The following GALNT18 variants were observed in gnomAD, a reference collection of about 807,000 sequenced individuals.
The protein encoded by GALNT18 is GalNAc-transferase 18.
In GALNT18, 44 loss-of-function variants were observed where a neutral mutation model predicts 69.5. That is an observed-to-expected ratio of 0.63 (90% confidence interval 0.50 to 0.81). GALNT18 has a LOEUF of 0.81. GALNT18 is among the 40% of genes least tolerant of loss of function. The pLI, the probability that GALNT18 is intolerant of heterozygous loss-of-function variation, is 0.00. For missense variants in GALNT18, 715 were observed against 810.0 expected, an observed-to-expected ratio of 0.88 and a Z score of 1.42; for synonymous variants, 364 against 318.2, an observed-to-expected ratio of 1.14 and a Z score of -1.53.
chr11:11,600,535 A>G lies in GALNT18; in HGVS notation c.235+20824T>C, dbSNP rs1859607221. Among the ~76,000 whole-genome samples, 1 of 151,974 alleles carries G rather than the reference A, an allele frequency of 6.6e-6. No individual in the cohort carries two copies. The highest frequency in any genetic ancestry group is 6.6e-5 in the Admixed American group (1 of 15,260). On this transcript the variant is annotated intron_variant, in intron 1 of 10. Transcript: ENST00000227756. The surrounding 1 kb of genome is among the most constrained non-coding windows in gnomAD (Gnocchi z 4.8). ...GCTAATCTTATCAGTATTCTCTTGT[A>G]GGTGATAAGTGGTCTTTCTGTTACT...
chr11:11,532,313 C>G (rs1252628326), intron 1 of GALNT18, among the ~76,000 whole-genome samples: 1 of 152,200 alleles, frequency 6.6e-6, no homozygotes, highest in Non-Finnish European at 1.5e-5. Context: ...ATTCTAAAAA[C>G]CAAGTAGACC....
intron 2 of GALNT18, among the ~76,000 whole-genome samples, chr11:11,433,139 A>C (rs577331083): frequency 6.6e-6 from 1 of 152,394 alleles, no homozygotes; most frequent in South Asian, 2.1e-4. Context: ...GAATGCAACC[A>C]AAGTAAATTC....
chr11:11,486,273 G>C (rs1480186671), intron 1 of GALNT18, among the ~76,000 whole-genome samples: 1 of 152,140 alleles, frequency 6.6e-6, no homozygotes, highest in African/African-American at 2.4e-5. Context: ...TTCTCTGCCT[G>C]TCACAATGTG....
rs2133904838 is a variant in GALNT18 at position 11,505,310 on chromosome 11, A to G, written c.236-56374T>C. 6.6e-6 allele frequency among the ~76,000 whole-genome samples: 1 copy of G among 152,320 alleles called. No individual in the cohort carries two copies. Among genetic ancestry groups the G allele is most frequent in the Non-Finnish European group, 1.5e-5 (1 of 68,020 alleles). On this transcript the variant is annotated intron_variant, in intron 1 of 10. Transcript: ENST00000227756. This position sits in a 1 kb window ranked among gnomAD's most constrained non-coding sequence, Gnocchi z 4.6. Reference sequence around the variant, plus strand: ...TGAATATCAACCTTAAGTAAAAACAAGAAGACAGGAAAGGACAGACCACAC... The same window carrying G: ...TGAATATCAACCTTAAGTAAAAACAGGAAGACAGGAAAGGACAGACCACAC...
intron 10 of GALNT18, among the ~76,000 whole-genome samples, chr11:11,275,490 G>C (rs1430883543): frequency 6.6e-6 from 1 of 152,176 alleles, no homozygotes. Flanking sequence ...GTAGTTGCCT[G>C]TTCACTCTGA....
At chr11:11,312,265 T>C (rs10831585) in intron 9 of GALNT18, among the ~76,000 whole-genome samples, 65,846 of 150,796 alleles carry the variant, frequency 0.44, 14,629 homozygotes, top group Admixed American at 0.48. Flanking sequence ...TAACTTTTGA[T>C]TCCCCCAAAA....
chr11:11,289,953 G>C (rs1849267653), intron 10 of GALNT18, among the ~76,000 whole-genome samples: 1 of 152,102 alleles, frequency 6.6e-6, no homozygotes, highest in Non-Finnish European at 1.5e-5. Context: ...AGTCTGAAGA[G>C]GGCTGGAGGC....
At chr11:11,589,334 T>G (rs558925607) in intron 1 of GALNT18, among the ~76,000 whole-genome samples, 30 of 152,146 alleles carry the variant, frequency 2.0e-4, no homozygotes, top group Non-Finnish European at 3.1e-4. Flanking sequence ...ATAAACAAGA[T>G]CAAGAGCTGT....
intron 8 of GALNT18, among the ~76,000 whole-genome samples, chr11:11,331,360 C>CTGGGGGTAGAGGGCA (rs1850014195): frequency 6.6e-6 from 1 of 152,096 alleles, no homozygotes. Context: ...AACAGAGACC[C>CTGGGGGTAGAGGGCA]TGGGGGTAGA....
At chr11:11,293,812 G>A (rs16909357) in intron 9 of GALNT18, among the ~76,000 whole-genome samples, 2 of 151,980 alleles carry the variant, frequency 1.3e-5, no homozygotes, top group Non-Finnish European at 2.9e-5. Context: ...TTTACAGATT[G>A]CCTGATTTCC....
intron 6 of GALNT18, among the ~76,000 whole-genome samples, chr11:11,348,287 A>G (rs4909992): frequency 0.84 from 127,373 of 151,262 alleles, 57,776 homozygotes; most frequent in East Asian, 1. Context: ...CTCAGGCAGG[A>G]GAATCGCTTG....
At chr11:11,352,099 C>T (rs777572260) in intron 6 of GALNT18, 56 of 1,613,524 alleles carry the variant, frequency 3.5e-5, no homozygotes, top group Non-Finnish European at 4.3e-5. Flanking sequence ...GTACTGCCCC[C>T]TGGCATGCTA....
chr11:11,393,647 T>C (rs533596730), intron 3 of GALNT18, among the ~76,000 whole-genome samples: 7 of 152,198 alleles, frequency 4.6e-5, no homozygotes, highest in Non-Finnish European at 1.0e-4. Context: ...GGGCTGCCAG[T>C]AGAGGAACAT....
At chr11:11,378,315 A>T (rs541428245) in intron 4 of GALNT18, among the ~76,000 whole-genome samples, 1 of 152,278 alleles carries the variant, frequency 6.6e-6, no homozygotes, top group Admixed American at 6.5e-5. Flanking sequence ...CCCAGTGACA[A>T]CAGGCATATT....
intron 10 of GALNT18, among the ~76,000 whole-genome samples, chr11:11,283,198 A>G (rs566089500): frequency 6.6e-6 from 1 of 152,270 alleles, no homozygotes; most frequent in East Asian, 1.9e-4. Context: ...TCTGTCACAC[A>G]GGCTGGAGTG....
chr11:11,285,817 C>G (rs931922411), intron 10 of GALNT18, among the ~76,000 whole-genome samples: 1 of 152,204 alleles, frequency 6.6e-6, no homozygotes, highest in Non-Finnish European at 1.5e-5. Context: ...TAGTGGTGTT[C>G]CCTGGGAAAT....
Position 11,563,245 on chromosome 11 carries a change from G to C in GALNT18, c.235+58114C>G, listed in dbSNP as rs1032944704. ...TTCACCTTGCACCTCCCCGGATCAAGAGACTTGGCTCTTCCTGGCTTTGTT... is the reference window on the plus strand; with the variant it reads ...TTCACCTTGCACCTCCCCGGATCAACAGACTTGGCTCTTCCTGGCTTTGTT... On this transcript the variant is annotated intron_variant, in intron 1 of 10. Coordinates refer to ENST00000227756, the MANE Select transcript of GALNT18 (RefSeq NM_198516.3). This position sits in a 1 kb window ranked among gnomAD's most constrained non-coding sequence, Gnocchi z 4.6. Among the ~76,000 whole-genome samples, 1 of 152,182 alleles carries C rather than the reference G, an allele frequency of 6.6e-6. No individual in the cohort carries two copies. Among genetic ancestry groups the C allele is most frequent in the Admixed American group, 6.5e-5 (1 of 15,282 alleles).
intron 1 of GALNT18, among the ~76,000 whole-genome samples, chr11:11,557,843 C>T (rs1858369113): frequency 6.6e-6 from 1 of 152,222 alleles, no homozygotes; most frequent in Non-Finnish European, 1.5e-5. Context: ...CTCCAACATA[C>T]CTGGTGATCA....
intron 1 of GALNT18, among the ~76,000 whole-genome samples, chr11:11,566,403 G>C (rs1010566946): frequency 1.3e-5 from 2 of 152,152 alleles, no homozygotes; most frequent in African/African-American, 4.8e-5. Flanking sequence ...ACATCCTTGG[G>C]ACCAGCAGGC....
Sources: allele counts gnomAD v4.1 joint callset (sites outside exome capture counted in the v4.1 genomes callset), GRCh38; gene constraint gnomAD v4.1.1; non-coding constraint Gnocchi (gnomAD v3.1); transcripts MANE v1.5; gene names NCBI Gene and HGNC (gene_info 2026-07-23, HGNC 2026-07-21).